The following RBFOX1 variants were observed in gnomAD, a reference collection of about 807,000 sequenced individuals.
RBFOX1 encodes RNA binding fox-1 homolog 1.
Under a neutral mutation model 57.7 loss-of-function variants are expected in RBFOX1, and 8 were observed. That is an observed-to-expected ratio of 0.14 (90% CI 0.08 to 0.25). The LOEUF (loss-of-function observed/expected upper bound fraction) is 0.25. RBFOX1 is among the 10% of genes least tolerant of loss of function. The probability of loss-of-function intolerance (pLI) is 1.00; values close to 1 mark genes in which losing one functional copy is unlikely to be tolerated. For synonymous variants in RBFOX1, 326 were observed against 222.4 expected, an observed-to-expected ratio of 1.47 and a Z score of -4.15; for missense variants, 611 against 548.5, an observed-to-expected ratio of 1.11 and a Z score of -1.14.
At chr16:6,509,345 A>C (rs138115449) in intron 2 of RBFOX1, among the ~76,000 whole-genome samples, 2 of 152,224 alleles carry the variant, frequency 1.3e-5, no homozygotes, top group Admixed American at 6.5e-5. Context: ...GTGGACTACT[A>C]TTCAGCTATA....
At chr16:5,638,094 T>C (rs925157453) in intron 3 of RBFOX1, among the ~76,000 whole-genome samples, 1 of 152,152 alleles carries the variant, frequency 6.6e-6, no homozygotes, top group East Asian at 1.9e-4. Context: ...TCTTAGAAAA[T>C]ATTACAGAGA....
intron 5 of RBFOX1, among the ~76,000 whole-genome samples, chr16:7,541,766 T>C (rs1484635671): frequency 6.6e-6 from 1 of 152,332 alleles, no homozygotes; most frequent in South Asian, 2.1e-4. Flanking sequence ...GCCTTGGGCC[T>C]GTCATGTTTT....
chr16:7,308,728 C>CTCAGT (rs1303455908), intron 4 of RBFOX1, among the ~76,000 whole-genome samples: 1 of 152,208 alleles, frequency 6.6e-6, no homozygotes, highest in Non-Finnish European at 1.5e-5. Flanking sequence ...GAAAGCGATT[C>CTCAGT]TCAGTTCAGG....
chr16:7,051,379 T>A (rs904952959), intron 3 of RBFOX1, among the ~76,000 whole-genome samples: 2 of 152,254 alleles, frequency 1.3e-5, no homozygotes, highest in Admixed American at 6.5e-5. Flanking sequence ...CAAAGAAGCG[T>A]CCTTGGACAT....
intron 2 of RBFOX1, among the ~76,000 whole-genome samples, chr16:5,498,896 C>T (rs1202057384): frequency 6.6e-6 from 1 of 152,218 alleles, no homozygotes; most frequent in Admixed American, 6.5e-5. Flanking sequence ...CATCGTGGGT[C>T]TGCAGGTCCA....
chr16:6,370,285 G>A (rs1205966510), intron 2 of RBFOX1, among the ~76,000 whole-genome samples: 1 of 140,902 alleles, frequency 7.1e-6, no homozygotes, highest in Admixed American at 7.7e-5. Context: ...GTGAACTCAG[G>A]AGGCGGAGCT....
chr16:7,635,112 A>C (rs1474855304), intron 11 of RBFOX1, among the ~76,000 whole-genome samples: 1 of 152,190 alleles, frequency 6.6e-6, no homozygotes, highest in African/African-American at 2.4e-5. Flanking sequence ...GCATATGGCG[A>C]ATGCTCAACA....
Position 6,885,285 on chromosome 16 carries a change from G to C in RBFOX1, c.-15-166772G>C, listed in dbSNP as rs139761288. 5.5e-3 allele frequency among the ~76,000 whole-genome samples: 837 copies of C among 152,266 alleles called. 16 individuals are homozygous for C. Among genetic ancestry groups the C allele is most frequent in the African/African-American group, 0.019 (800 of 41,558 alleles). On this transcript the variant is annotated intron_variant, in intron 3 of 15. Transcript: ENST00000550418. The stretch of plus-strand genomic sequence containing the variant: ...TCACCTGGAAACTTGCTACAGACGC[G>C]TGTTCTCTATCCTCGCTGCAGGCAA...
intron 4 of RBFOX1, among the ~76,000 whole-genome samples, chr16:7,192,804 A>G (rs1001073641): frequency 4.6e-5 from 7 of 152,214 alleles, no homozygotes; most frequent in African/African-American, 1.7e-4. Flanking sequence ...TAAATACAAC[A>G]TTTTTAAAAA....
At chr16:7,307,202 G>A (rs146744609) in intron 4 of RBFOX1, among the ~76,000 whole-genome samples, 140 of 152,208 alleles carry the variant, frequency 9.2e-4, no homozygotes, top group African/African-American at 2.7e-3. Context: ...CTGACCACCG[G>A]CCATCGAGTC....
At chr16:6,037,398 G>C (rs1268267499) in intron 1 of RBFOX1, 1 of 151,788 alleles carries the variant, frequency 6.6e-6, no homozygotes, top group Non-Finnish European at 1.5e-5. Context: ...TAGACTTCCT[G>C]GTACAACATT....
chr16:6,995,404 C>T (rs374132614), intron 3 of RBFOX1, among the ~76,000 whole-genome samples: 11 of 150,498 alleles, frequency 7.3e-5, no homozygotes, highest in African/African-American at 2.2e-4. Context: ...ATTATTGTGA[C>T]GTGTGATAGA....
chr16:5,402,212 A>G (rs1326171001), intron 1 of RBFOX1, among the ~76,000 whole-genome samples: 5 of 152,040 alleles, frequency 3.3e-5, no homozygotes, highest in Admixed American at 3.3e-4. Flanking sequence ...TGGCTAAGAC[A>G]CCCCAGCGTA....
At chr16:6,135,011 A>G (rs1408756358) in intron 1 of RBFOX1, among the ~76,000 whole-genome samples, 3 of 151,690 alleles carry the variant, frequency 2.0e-5, no homozygotes, top group Non-Finnish European at 4.4e-5. Context: ...TGACCCCACT[A>G]CAGGCCCCGG....
chr16:7,696,361 G>A (rs982340132), intron 14 of RBFOX1, among the ~76,000 whole-genome samples: 2 of 152,156 alleles, frequency 1.3e-5, no homozygotes, highest in African/African-American at 4.8e-5. Context: ...CCTTTGATGA[G>A]TTGGATTCTT....
At chr16:7,070,141 G>T (rs2057020497) in intron 4 of RBFOX1, among the ~76,000 whole-genome samples, 1 of 152,152 alleles carries the variant, frequency 6.6e-6, no homozygotes, top group African/African-American at 2.4e-5. Flanking sequence ...TGTGCTCATG[G>T]TGCATTTCCC....
chr16:6,166,684 A>G (rs1451817657), intron 1 of RBFOX1, among the ~76,000 whole-genome samples: 1 of 152,162 alleles, frequency 6.6e-6, no homozygotes, highest in East Asian at 1.9e-4. Context: ...TGTCTGTATC[A>G]TAAGCCCACT....
At chr16:6,717,942 C>T (rs544914367) in intron 3 of RBFOX1, among the ~76,000 whole-genome samples, 1 of 152,322 alleles carries the variant, frequency 6.6e-6, no homozygotes, top group South Asian at 2.1e-4. Context: ...ACATAGTGGT[C>T]AGTGGCTTCA....
At chr16:7,005,741 G>A (rs1287738266) in intron 3 of RBFOX1, among the ~76,000 whole-genome samples, 2 of 152,208 alleles carry the variant, frequency 1.3e-5, no homozygotes, top group Admixed American at 1.3e-4. Flanking sequence ...AGGTGATCAT[G>A]TCTGAACTCA....
Sources: allele counts gnomAD v4.1 joint callset (sites outside exome capture counted in the v4.1 genomes callset), GRCh38; gene constraint gnomAD v4.1.1; transcripts MANE v1.5; gene names NCBI Gene and HGNC (gene_info 2026-07-23, HGNC 2026-07-21).